The following RALYL variants were observed in gnomAD, a reference collection of about 807,000 sequenced individuals.
The protein encoded by RALYL is RNA-binding Raly-like protein.
In RALYL, 29 loss-of-function variants were observed where a neutral mutation model predicts 35.1. The observed-to-expected ratio is 0.83, with a 90% CI of 0.61 to 1.13. The LOEUF (loss-of-function observed/expected upper bound fraction) is 1.13, where lower values mean the gene tolerates loss of function less well. Among genes scored for constraint, RALYL ranks in the 50% most tolerant of loss-of-function variants. The pLI is 0.00. For missense variants in RALYL, 359 were observed against 360.4 expected, an observed-to-expected ratio of 1.00 and a Z score of 0.03; for synonymous variants, 120 against 127.6, an observed-to-expected ratio of 0.94 and a Z score of 0.40.
At chr8:84,803,427 G>C (rs1179033092) in intron 3 of RALYL, among the ~76,000 whole-genome samples, 2 of 152,022 alleles carry the variant, frequency 1.3e-5, no homozygotes, top group Non-Finnish European at 2.9e-5. Flanking sequence ...TCCCTCCCTA[G>C]TTCTGTTTGC....
rs56387511 is a variant in RALYL, at chr8:84,367,318, A to ATTT, written c.-23-161932_-23-161930dup. Among the ~76,000 whole-genome samples, 8 of 27,404 alleles carry ATTT rather than the reference A, an allele frequency of 2.9e-4. 2 individuals are homozygous for ATTT. The highest frequency in any genetic ancestry group is 6.9e-4 in the Non-Finnish European group (7 of 10,134). The allele number at this position is 27,404 out of a possible 152,430, so 18.0% of individuals were successfully genotyped here. ...GCCATCCTGCCCAACTAATTTTTGT[A>ATTT]TTTTTTTTTTTTTTTTTTTTTTTTT... On this transcript the variant is annotated intron_variant, in intron 1 of 8. Coordinates refer to ENST00000521268, the MANE Select transcript of RALYL (RefSeq NM_173848.7).
intron 2 of RALYL, among the ~76,000 whole-genome samples, chr8:84,649,278 A>G (rs949250167): frequency 6.6e-6 from 1 of 152,002 alleles, no homozygotes; most frequent in African/African-American, 2.4e-5. Flanking sequence ...GAAGCTCTTC[A>G]GTTTAATTAG....
rs1180196945 is a variant in RALYL, at chr8:84,281,451, TG to T, written c.-24+97028del. 7.2e-5 allele frequency among the ~76,000 whole-genome samples: 11 copies of T among 151,932 alleles called. No individual in the cohort carries two copies. In the East Asian group the frequency reaches 1.5e-3, roughly 21 times the overall value. ...GATGTAAGGTTTTACAACATATGAA[TG>T]AAAGAATTTAATGCTGGAAGCTAAA... On this transcript the variant is annotated intron_variant, in intron 1 of 8. Transcript: ENST00000521268.
At chr8:84,397,771 T>C (rs532088948) in intron 1 of RALYL, among the ~76,000 whole-genome samples, 1 of 151,880 alleles carries the variant, frequency 6.6e-6, no homozygotes, top group East Asian at 1.9e-4. Context: ...TGTTCTTGCA[T>C]CAGTCGCAGA....
At chr8:84,429,805 A>C (rs1307293779) in intron 1 of RALYL, among the ~76,000 whole-genome samples, 1 of 152,106 alleles carries the variant, frequency 6.6e-6, no homozygotes, top group African/African-American at 2.4e-5. Context: ...AAAACATGTC[A>C]TTTACTAGAC....
At chr8:84,788,789 G>A (rs558096345) in intron 3 of RALYL, among the ~76,000 whole-genome samples, 1 of 152,234 alleles carries the variant, frequency 6.6e-6, no homozygotes, top group Non-Finnish European at 1.5e-5. Flanking sequence ...CAGAGCGAAG[G>A]GCAAGGAGCA....
At chr8:84,468,433 G>T (rs1347968476) in intron 1 of RALYL, among the ~76,000 whole-genome samples, 1 of 150,736 alleles carries the variant, frequency 6.6e-6, no homozygotes. Context: ...GAAATTCTGG[G>T]TTCAAAATTC....
At chr8:84,577,367 C>T (rs1809713501) in intron 2 of RALYL, among the ~76,000 whole-genome samples, 1 of 152,110 alleles carries the variant, frequency 6.6e-6, no homozygotes, top group South Asian at 2.1e-4. Flanking sequence ...AGAGTGAAGT[C>T]TGGAATTAAG....
At chr8:84,915,711 T>A (rs112832103) in intron 8 of RALYL, among the ~76,000 whole-genome samples, 3,349 of 152,172 alleles carry the variant, frequency 0.022, 129 homozygotes, top group African/African-American at 0.076. Context: ...ACTGAACCAC[T>A]CTGATTCTCT....
chr8:84,575,985 C>T (rs886906769), intron 2 of RALYL, among the ~76,000 whole-genome samples: 93 of 146,780 alleles, frequency 6.3e-4, no homozygotes, highest in African/African-American at 2.1e-3. Flanking sequence ...AAAGGAATGA[C>T]AATATTGGAT....
intron 2 of RALYL, among the ~76,000 whole-genome samples, chr8:84,733,713 T>C (rs757980274): frequency 2.6e-5 from 4 of 152,186 alleles, no homozygotes; most frequent in African/African-American, 4.8e-5. Context: ...TAACAGGATT[T>C]ACATTATATG....
At chr8:84,749,772 G>T (rs1809514826) in intron 2 of RALYL, among the ~76,000 whole-genome samples, 1 of 152,142 alleles carries the variant, frequency 6.6e-6, no homozygotes, top group Admixed American at 6.6e-5. Context: ...TTACAGATAG[G>T]CAGCAAGAAA....
chr8:84,840,762 T>G (rs554105866), intron 4 of RALYL, among the ~76,000 whole-genome samples: 2,362 of 152,244 alleles, frequency 0.016, 61 homozygotes, highest in African/African-American at 0.053. Context: ...GACTAACAAC[T>G]GATCTCTCGG....
rs1841165626 is a variant in RALYL at position 84,706,121 on chromosome 8, C to A, written c.257-68458C>A. The A allele has an allele frequency of 2.8e-6, 4 of 1,442,716 alleles. No homozygotes were observed. In the South Asian group the frequency reaches 4.9e-5, roughly 18 times the overall value. The allele number at this position is 1,442,716 out of a possible 1,614,324, so 89.4% of individuals were successfully genotyped here. A position where few individuals can be genotyped will look rare whatever the true frequency, so the allele number is the denominator to read the frequency against. ...GGGGTAGGGAAAACATACTTGATTT[C>A]TTAAAAGACTAATCATGACTTCTTC... On this transcript the variant is annotated intron_variant, in intron 2 of 8. Coordinates refer to ENST00000521268, the MANE Select transcript of RALYL (RefSeq NM_173848.7).
chr8:84,415,354 C>G (rs552364991), intron 1 of RALYL, among the ~76,000 whole-genome samples: 3 of 152,070 alleles, frequency 2.0e-5, no homozygotes, highest in Admixed American at 6.5e-5. Flanking sequence ...ATTCTCCTGC[C>G]TCAGCCTCCC....
chr8:84,797,443 C>G (rs764938029), intron 3 of RALYL, among the ~76,000 whole-genome samples: 16 of 152,200 alleles, frequency 1.1e-4, no homozygotes, highest in Non-Finnish European at 2.2e-4. Flanking sequence ...TGTGAGAGAG[C>G]TTGGCAGAGT....
intron 1 of RALYL, among the ~76,000 whole-genome samples, chr8:84,320,755 G>A (rs182152843): frequency 1.1e-3 from 163 of 151,916 alleles, no homozygotes; most frequent in Non-Finnish European, 2.2e-3. Context: ...TAATTTTTCT[G>A]GTTCATGCAA....
At chr8:84,455,138 A>G (rs2049985728) in intron 1 of RALYL, among the ~76,000 whole-genome samples, 1 of 151,992 alleles carries the variant, frequency 6.6e-6, no homozygotes, top group African/African-American at 2.4e-5. Context: ...GTAGAGGCCT[A>G]TTGTGTAAGT....
intron 1 of RALYL, among the ~76,000 whole-genome samples, chr8:84,502,925 A>C (rs201386071): frequency 6.7e-6 from 1 of 149,926 alleles, no homozygotes; most frequent in Admixed American, 6.7e-5. Flanking sequence ...AAAAAAAAAA[A>C]GGAAAAATAA....
Sources: allele counts gnomAD v4.1 joint callset (sites outside exome capture counted in the v4.1 genomes callset), GRCh38; gene constraint gnomAD v4.1.1; transcripts MANE v1.5; gene names NCBI Gene and HGNC (gene_info 2026-07-23, HGNC 2026-07-21).